Variants in TAF1 observed in about 807,000 individuals in gnomAD.
TAF1 encodes the protein TATA-box binding protein associated factor 1.
A neutral mutation model predicts 138.5 loss-of-function variants in TAF1; 2 were observed. The ratio of observed to expected loss-of-function variants is 0.01; its 90% confidence interval spans 0.01 to 0.05. TAF1 has a LOEUF of 0.05. TAF1 is among the 10% of genes least tolerant of loss of function. TAF1 has a pLI of 1.00. For missense variants in TAF1, 709 were observed against 1,478.0 expected, an observed-to-expected ratio of 0.48 and a Z score of 8.53; for synonymous variants, 437 against 503.2, an observed-to-expected ratio of 0.87 and a Z score of 1.76.
chrX:71,420,417 C>T, intron 28 of TAF1: 2 of 1,210,593 alleles, frequency 1.7e-6, no homozygotes, highest in South Asian at 1.8e-5. Context: ...GACTGAACCA[C>T]AGCCATGAAA....
chrX:71,375,430 T>A (rs1207132642), intron 4 of TAF1, 144 bp downstream of exon 4: 2 of 788,346 alleles, frequency 2.5e-6, no homozygotes, highest in Non-Finnish European at 3.4e-6. Context: ...CAAATTTTAG[T>A]ATTAAAGGGA....
At chrX:71,470,329 A>C (rs934935180), downstream of TAF1, among the ~76,000 whole-genome samples, 3 of 111,501 alleles carry the variant, frequency 2.7e-5, no homozygotes, top group African/African-American at 9.8e-5. Context: ...TGATATTCAA[A>C]AATGAAAATT....
chrX:71,520,372 C>T (rs2039910060), intron 13 of TAF1, among the ~76,000 whole-genome samples: 1 of 109,934 alleles, frequency 9.1e-6, no homozygotes, highest in African/African-American at 3.3e-5. Context: ...AGAGAGATTG[C>T]TCATAACCCA....
intron 29 of TAF1, among the ~76,000 whole-genome samples, 173 bp from the exon 30 acceptor site, chrX:71,422,944 G>T (rs752923263): frequency 9.1e-6 from 1 of 109,572 alleles, no homozygotes; most frequent in African/African-American, 3.3e-5. Flanking sequence ...GGGTTTCACC[G>T]TGTTAGCCAG....
chrX:71,406,884 C>G, intron 26 of TAF1, 138 bp downstream of exon 26: 1 of 389,554 alleles, frequency 2.6e-6, no homozygotes, highest in African/African-American at 2.7e-5. Flanking sequence ...TATAAGATTT[C>G]TAAAATATGT....
intron 32 of TAF1, among the ~76,000 whole-genome samples, chrX:71,435,963 C>T (rs2037114566): frequency 9.2e-6 from 1 of 108,670 alleles, no homozygotes; most frequent in Non-Finnish European, 1.9e-5. Flanking sequence ...CTTTCTTTCC[C>T]AAATGACTAG....
At chrX:71,456,699 G>A (rs961042562) in intron 34 of TAF1, among the ~76,000 whole-genome samples, 3 of 39,348 alleles carry the variant, frequency 7.6e-5, no homozygotes, top group South Asian at 1.5e-3. Flanking sequence ...TTTTGAGACC[G>A]AGTTTTGCTC....
At chrX:71,469,655 A>G (rs201405902), downstream of TAF1, among the ~76,000 whole-genome samples, 29 of 110,028 alleles carry the variant, frequency 2.6e-4, no homozygotes, top group East Asian at 6.9e-3. Context: ...TCCCACCTCA[A>G]GTGTCTCCGG....
At chrX:71,438,438 G>A (rs773896410) in intron 32 of TAF1, among the ~76,000 whole-genome samples, 66 of 111,685 alleles carry the variant, frequency 5.9e-4, no homozygotes, top group African/African-American at 2.0e-3. Flanking sequence ...CCATGTTGTA[G>A]CATGTATCAG....
Position 71,465,966 on chromosome X carries a change from G to A in TAF1, c.*1920G>A, listed in dbSNP as rs2038742259. 8.9e-6 allele frequency: 1 copy of A among 112,148 alleles called. No homozygotes were observed. Among genetic ancestry groups the A allele is most frequent in the South Asian group, 3.6e-4 (1 of 2,746 alleles). 9.2% of individuals were successfully genotyped at this position (112,148 alleles called of 1,213,427 possible). A position where few individuals can be genotyped will look rare whatever the true frequency, so the allele number is the denominator to read the frequency against. ...TCTATATTGTTTGAATTTTTTTACAGTATGTATTATTTTTGTAATAAAAAT... is the reference window on the plus strand; with the variant it reads ...TCTATATTGTTTGAATTTTTTTACAATATGTATTATTTTTGTAATAAAAAT... On this transcript the variant is annotated 3_prime_UTR_variant, in exon 38 of 38. Coordinates refer to ENST00000423759, the MANE Select transcript of TAF1 (RefSeq NM_004606.5).
At chrX:71,368,017 C>T in intron 2 of TAF1, 37 bp from the exon 3 acceptor site, 1 of 1,172,392 alleles carries the variant, frequency 8.5e-7, no homozygotes, top group Non-Finnish European at 1.2e-6. Context: ...GTGAGGGTCG[C>T]TTACTGTTGT....
chrX:71,483,713 G>C (rs1227052900), intron 13 of TAF1, among the ~76,000 whole-genome samples: 1 of 92,625 alleles, frequency 1.1e-5, no homozygotes, highest in Non-Finnish European at 2.1e-5. Context: ...TTTCCAACTT[G>C]CTTTTTACAC....
chrX:71,403,766 T>C lies in TAF1; in HGVS notation c.3998+2027T>C, dbSNP rs190666502. On this transcript the variant is annotated intron_variant, in intron 25 of 37. Coordinates refer to ENST00000423759, the MANE Select transcript of TAF1 (RefSeq NM_004606.5). ...TTTTCTATAAAAAAGAGCTTTCTAC[T>C]CTCCCTTTCCAAGTATTACTATGGA... Among the ~76,000 whole-genome samples the C allele has an allele frequency of 1.7e-3, 193 of 111,097 alleles. 1 individual carries two copies. Among genetic ancestry groups the C allele is most frequent in the Non-Finnish European group, 3.3e-3 (175 of 52,985 alleles).
chrX:71,420,233 T>C (rs1290472771), intron 28 of TAF1: 78 of 800,170 alleles, frequency 9.7e-5, no homozygotes, highest in Non-Finnish European at 9.6e-5. Context: ...CCCGATCTGT[T>C]GTGCTGATTC....
chrX:71,437,421 A>G (rs1272702549), intron 32 of TAF1, among the ~76,000 whole-genome samples: 1 of 110,098 alleles, frequency 9.1e-6, no homozygotes, highest in African/African-American at 3.3e-5. Flanking sequence ...AGGTATAAGT[A>G]TTTCTGACCA....
intron 13 of TAF1, among the ~76,000 whole-genome samples, chrX:71,495,086 A>G (rs896601912): frequency 9.0e-6 from 1 of 111,469 alleles, no homozygotes; most frequent in Non-Finnish European, 1.9e-5. Context: ...TCACCTCTCA[A>G]TCCCCACTCT....
chrX:71,407,652 G>A lies in TAF1; in HGVS notation c.4186G>A (p.Asp1396Asn). 1 of 1,210,465 alleles carries A rather than the reference G, an allele frequency of 8.3e-7. No homozygotes were observed. The highest frequency in any genetic ancestry group is 1.1e-6 in the Non-Finnish European group (1 of 894,371). Residue 1396 changes from aspartate to asparagine, a missense_variant, in exon 27 of 38, where the codon GAC becomes AAC. By Grantham distance (23) the Asp-to-Asn change is conservative. Around this residue, in one of 14 missense-constraint regions of TAF1, gnomAD observed 63 missense variants for 163.3 expected, o/e 0.39. Coordinates refer to ENST00000423759, the MANE Select transcript of TAF1 (RefSeq NM_004606.5). ...GTCCATCTTGGAGTCTATCATCAAT[G>A]ACATGAGAGATCTTCCAAATGTGAG... ...LSSILESIINDMRDLPNTYPF... is the reference protein window; with the variant it reads ...LSSILESIINNMRDLPNTYPF...
intron 13 of TAF1, among the ~76,000 whole-genome samples, chrX:71,476,878 G>A (rs1449315569): frequency 5.4e-5 from 6 of 110,211 alleles, no homozygotes; most frequent in African/African-American, 1.6e-4. Flanking sequence ...TCCCTACCTC[G>A]TACATCACGC....
intron 13 of TAF1, among the ~76,000 whole-genome samples, chrX:71,513,582 G>A (rs776145377): frequency 2.7e-5 from 3 of 111,211 alleles, no homozygotes; most frequent in Non-Finnish European, 5.7e-5. Flanking sequence ...AGTCAAGCAT[G>A]GGGTTAAGAA....
Sources: gnomAD v4.1 joint callset for allele counts (sites outside exome capture counted in the v4.1 genomes callset) on GRCh38, gnomAD v4.1.1 for gene constraint, gnomAD v4.1.1 regional missense constraint, MANE v1.5 for transcripts, NCBI Gene and HGNC (gene_info 2026-07-23, HGNC 2026-07-21) for gene names.